The following PVT1 variants were observed in gnomAD, a reference collection of about 807,000 sequenced individuals.
The protein encoded by PVT1 is Pvt1 oncogene, also known as CXCR4/PVT1 fusion.
intron 2 of PVT1, among the ~76,000 whole-genome samples, chr8:127,889,420 G>A (rs1047608778): frequency 2.0e-5 from 3 of 150,622 alleles, no homozygotes; most frequent in East Asian, 1.9e-4. Flanking sequence ...GTGAGCCACC[G>A]CGCCCAGCCT....
chr8:127,831,381 G>A (rs1814849490), intron 2 of PVT1, among the ~76,000 whole-genome samples: 1 of 152,092 alleles, frequency 6.6e-6, no homozygotes, highest in South Asian at 2.1e-4. Context: ...GGGGAAGATG[G>A]GCAGTAGATT....
intron 2 of PVT1, among the ~76,000 whole-genome samples, chr8:127,843,347 A>G (rs182447078): frequency 6.6e-6 from 1 of 152,188 alleles, no homozygotes; most frequent in Non-Finnish European, 1.5e-5. Context: ...TCTGTCTCAA[A>G]AAACAAACAA....
intron 2 of PVT1, among the ~76,000 whole-genome samples, chr8:127,859,862 G>A (rs1460529226): frequency 1.3e-5 from 2 of 151,902 alleles, no homozygotes; most frequent in African/African-American, 2.4e-5. Flanking sequence ...GCCCTTGGCC[G>A]TCATTTGTTT....
At chr8:127,924,047 G>A (rs868408247) in intron 3 of PVT1, among the ~76,000 whole-genome samples, 20 of 152,306 alleles carry the variant, frequency 1.3e-4, no homozygotes, top group South Asian at 8.3e-4. Context: ...GTTGGAGGCC[G>A]GGGGTCAGAG....
intron 4 of PVT1, among the ~76,000 whole-genome samples, chr8:128,038,677 G>A (rs1408039046): frequency 6.6e-6 from 1 of 152,088 alleles, no homozygotes; most frequent in Admixed American, 6.5e-5. Flanking sequence ...TGACTCCTTG[G>A]GGACGGAATC....
intron 2 of PVT1, among the ~76,000 whole-genome samples, chr8:127,801,073 G>A (rs1424393264): frequency 6.6e-6 from 1 of 152,170 alleles, no homozygotes; most frequent in Non-Finnish European, 1.5e-5. Context: ...GTGAGCCTGT[G>A]GGGGTGAGGA....
chr8:128,038,278 A>G (rs1268871135), intron 4 of PVT1, among the ~76,000 whole-genome samples: 10 of 152,146 alleles, frequency 6.6e-5, no homozygotes, highest in Non-Finnish European at 2.9e-5. Flanking sequence ...TGAGCTCCAC[A>G]TTTCCCTGGG....
intron 2 of PVT1, among the ~76,000 whole-genome samples, chr8:127,860,155 C>T (rs974946734): frequency 2.0e-5 from 3 of 152,156 alleles, no homozygotes; most frequent in Non-Finnish European, 4.4e-5. Flanking sequence ...TGAAGAGAAC[C>T]GGCTCCCAGT....
intron 3 of PVT1, among the ~76,000 whole-genome samples, chr8:127,910,598 ATAAT>A (rs759525799): frequency 1.2e-4 from 19 of 152,210 alleles, no homozygotes; most frequent in African/African-American, 4.6e-4. Flanking sequence ...CCTAATGATA[ATAAT>A]TAGATTAGTA....
chr8:127,983,689 A>T (rs28607833), intron 3 of PVT1, among the ~76,000 whole-genome samples: 1 of 152,174 alleles, frequency 6.6e-6, no homozygotes, highest in Non-Finnish European at 1.5e-5. Context: ...ATTCTTTTAC[A>T]TAACGACTGT....
chr8:127,838,813 C>A (rs938958342), intron 2 of PVT1, among the ~76,000 whole-genome samples: 21 of 152,158 alleles, frequency 1.4e-4, no homozygotes, highest in African/African-American at 4.8e-4. Flanking sequence ...TTCGTTATAA[C>A]CCTATGTTCT....
intron 4 of PVT1, among the ~76,000 whole-genome samples, chr8:128,055,106 C>T (rs1813747897): frequency 1.3e-5 from 2 of 152,144 alleles, no homozygotes; most frequent in African/African-American, 4.8e-5. Flanking sequence ...CTTAACAGTC[C>T]TCACAATTGT....
chr8:127,917,487 CTG>C (rs1816000810), intron 3 of PVT1, among the ~76,000 whole-genome samples: 1 of 152,236 alleles, frequency 6.6e-6, no homozygotes, highest in Admixed American at 6.5e-5. Flanking sequence ...CCAGGACAGA[CTG>C]GTCTTGATCC....
intron 4 of PVT1, among the ~76,000 whole-genome samples, chr8:128,042,992 G>T (rs1813564335): frequency 1.3e-5 from 2 of 152,158 alleles, no homozygotes; most frequent in South Asian, 4.1e-4. Flanking sequence ...TCGAACTCCT[G>T]GCCTCAGGTG....
chr8:127,969,800 A>G (rs74980628), intron 3 of PVT1, among the ~76,000 whole-genome samples: 4,104 of 152,232 alleles, frequency 0.027, 89 homozygotes, highest in African/African-American at 0.046. Context: ...AACTTGCCTA[A>G]GGTCTACACA....
At chr8:127,923,338 A>G (rs1434808825) in intron 3 of PVT1, among the ~76,000 whole-genome samples, 1 of 152,268 alleles carries the variant, frequency 6.6e-6, no homozygotes, top group South Asian at 2.1e-4. Context: ...GAGCAGGTTC[A>G]TGTCACACAG....
intron 3 of PVT1, among the ~76,000 whole-genome samples, chr8:127,922,390 G>A (rs1415202780): frequency 1.3e-5 from 2 of 148,406 alleles, no homozygotes; most frequent in Admixed American, 1.3e-4. Flanking sequence ...TTTTCAAGAT[G>A]CTGCAACCCC....
rs781522573 is a variant in PVT1 at position 127,807,315 on chromosome 8, T to TG, written n.372+11245dup. ...AAGCCTACTTTAACTTTGCCTTTAT[T>TG]GCTTTTTTTAAATTCAATTAATTAA... On this transcript the variant is annotated intron_variant and non_coding_transcript_variant, in intron 2 of 10. Transcript: ENST00000651587. Among the ~76,000 whole-genome samples, 562 of 152,324 alleles carry TG rather than the reference T, an allele frequency of 3.7e-3. 2 individuals carry two copies. The highest frequency in any genetic ancestry group is 4.7e-3 in the Non-Finnish European group (322 of 68,036).
intron 3 of PVT1, among the ~76,000 whole-genome samples, chr8:127,897,552 AGAAGGAAAGAAAGAAG>A (rs936247746): frequency 3.4e-5 from 5 of 148,564 alleles, no homozygotes; most frequent in Non-Finnish European, 7.4e-5. Context: ...GAGGAAAGAA[AGAAGGAAAGAAAGAAG>A]GAAGGAAAGA....
Sources: allele counts gnomAD v4.1 joint callset (sites outside exome capture counted in the v4.1 genomes callset), GRCh38; gene constraint gnomAD v4.1.1; transcripts MANE v1.5; gene names NCBI Gene and HGNC (gene_info 2026-07-23, HGNC 2026-07-21).